Variants in LARP4B observed in about 807,000 individuals in gnomAD.
The protein encoded by LARP4B is la-related protein 4B.
Under a neutral mutation model 89.8 loss-of-function variants are expected in LARP4B, and 12 were observed. The ratio of observed to expected loss-of-function variants is 0.13; its 90% confidence interval spans 0.09 to 0.22. The LOEUF (loss-of-function observed/expected upper bound fraction) is 0.22, where lower values mean the gene tolerates loss of function less well. Among genes scored for constraint, LARP4B ranks in the 10% least tolerant of loss-of-function variants. LARP4B has a pLI of 1.00. For synonymous variants in LARP4B, 367 were observed against 363.3 expected (o/e 1.01, Z -0.12); for missense variants, 757 against 947.7 (o/e 0.80, Z 2.64).
chr10:879,136 G>A (rs979523725), intron 3 of LARP4B, among the ~76,000 whole-genome samples: 2 of 152,222 alleles, frequency 1.3e-5, no homozygotes, highest in Non-Finnish European at 2.9e-5. Context: ...GAGCTGAAAA[G>A]ATCACGGGTA....
chr10:816,129 C>G (rs890982025), intron 15 of LARP4B, among the ~76,000 whole-genome samples: 1 of 152,086 alleles, frequency 6.6e-6, no homozygotes, highest in East Asian at 1.9e-4. Flanking sequence ...CTCGGTAGGC[C>G]GAGGCAGGAG....
chr10:835,160 T>C (rs1017636676), intron 8 of LARP4B, among the ~76,000 whole-genome samples: 1 of 152,020 alleles, frequency 6.6e-6, no homozygotes, highest in Non-Finnish European at 1.5e-5. Context: ...AATATAGAAC[T>C]AGTAAAGACA....
the LARP4B span, among the ~76,000 whole-genome samples, chr10:956,286 G>A: frequency 6.6e-6 from 1 of 152,176 alleles, no homozygotes; most frequent in East Asian, 1.9e-4. The surrounding 1 kb of genome is among the most constrained non-coding windows in gnomAD (Gnocchi z 4.3). Flanking sequence ...CTGACTATGG[G>A]CCCAGGAGTA....
intron 1 of LARP4B, among the ~76,000 whole-genome samples, chr10:888,068 C>A (rs1835914597): frequency 6.6e-6 from 1 of 151,892 alleles, no homozygotes; most frequent in Non-Finnish European, 1.5e-5. Flanking sequence ...GCCTGTAATA[C>A]CAGCACTTTG....
intron 7 of LARP4B, among the ~76,000 whole-genome samples, chr10:838,197 C>T (rs1833330780): frequency 6.6e-6 from 1 of 152,050 alleles, no homozygotes; most frequent in Admixed American, 6.6e-5. Context: ...TCCTAGAAAA[C>T]ATAGGAGAAA....
chr10:814,794 G>A lies in LARP4B; in HGVS notation c.1877C>T (p.Ser626Phe), dbSNP rs528200143. 70 of 1,605,308 alleles carry A rather than the reference G, an allele frequency of 4.4e-5. 3 individuals are homozygous for A. The South Asian group carries it at 7.4e-4, about 17-fold the overall frequency. ...RETHSVDRLP[S>F]ALTATACKSV... ...TTTACACGCGGTCGCAGTGAGGGCG[G>A]AAGGAAGTCTGTCCACACTGTGGGT... The change falls in exon 17 of 18, where the codon TCC (serine) becomes TTC (phenylalanine). Residue 626 changes from serine (S) to phenylalanine (F), a missense_variant. This residue lies in a region of LARP4B where 387 missense variants were observed against 423.6 expected (regional missense o/e 0.91). Coordinates refer to ENST00000316157, the MANE Select transcript of LARP4B (RefSeq NM_015155.3). The surrounding 1 kb of genome is among the most constrained non-coding windows in gnomAD (Gnocchi z 4.4).
rs1243594065 is a variant in LARP4B at position 810,982 on chromosome 10, T to C, written c.*1944A>G. ...ATGCTTAGCTGCAGGTGATTTAAAT[T>C]AGATTACTAGTCACCTTCACTTACG... On this transcript the variant is annotated 3_prime_UTR_variant, in exon 18 of 18. Transcript: ENST00000316157. 2.6e-5 allele frequency: 4 copies of C among 152,240 alleles called. No individual in the cohort carries two copies. The allele number at this position is 152,240 out of a possible 1,614,324, so 9.4% of individuals were successfully genotyped here.
intron 1 of LARP4B, among the ~76,000 whole-genome samples, chr10:929,487 TC>T (rs1273731070): frequency 6.6e-6 from 1 of 152,030 alleles, no homozygotes; most frequent in African/African-American, 2.4e-5. Context: ...TCCCAGCTAC[TC>T]GGGGGGCTGA....
At chr10:982,026 G>C in the LARP4B span, among the ~76,000 whole-genome samples, 1 of 151,526 alleles carries the variant, frequency 6.6e-6, no homozygotes, top group African/African-American at 2.4e-5. Context: ...GCATATATGT[G>C]CTAATCAAAG....
chr10:922,072 G>A (rs551818008), intron 1 of LARP4B, among the ~76,000 whole-genome samples: 6 of 152,258 alleles, frequency 3.9e-5, no homozygotes, highest in East Asian at 1.9e-4. Flanking sequence ...CAGACAGAGC[G>A]GAGGGGTCAG....
At chr10:902,834 A>AGGGTTTCACCATATTGGCCAGGC (rs1836381446) in intron 1 of LARP4B, among the ~76,000 whole-genome samples, 1 of 152,008 alleles carries the variant, frequency 6.6e-6, no homozygotes, top group South Asian at 2.1e-4. Context: ...TAGTAGAGAC[A>AGGGTTTCACCATATTGGCCAGGC]GGGTTTCACC....
chr10:932,690 C>T (rs1399584254), upstream of LARP4B, among the ~76,000 whole-genome samples: 1 of 135,520 alleles, frequency 7.4e-6, no homozygotes, highest in Non-Finnish European at 1.6e-5. Context: ...CTGCCCCGAA[C>T]GCCCCACCAG....
rs1185284720 is a variant in LARP4B at position 931,446 on chromosome 10, C to CG, written c.-59dup. On this transcript the variant is annotated 5_prime_UTR_variant, in exon 1 of 18. Transcript: ENST00000316157. ...GCCTCACCTGTCAGCGCCGCCGCCC[C>CG]GCCCGACCGGCCGCCCGCGGGCTCC... 1 of 147,946 alleles carries CG rather than the reference C, an allele frequency of 6.8e-6. No individual in the cohort carries two copies. The highest frequency in any genetic ancestry group is 1.5e-5 in the Non-Finnish European group (1 of 66,282). The allele number at this position is 147,946 out of a possible 1,614,324, so 9.2% of individuals were successfully genotyped here. A position where few individuals can be genotyped will look rare whatever the true frequency, so the allele number is the denominator to read the frequency against.
chr10:929,721 T>C (rs1466619247), intron 1 of LARP4B, among the ~76,000 whole-genome samples: 1 of 152,066 alleles, frequency 6.6e-6, no homozygotes, highest in Non-Finnish European at 1.5e-5. Context: ...ATTGAGAAAA[T>C]GTAGGCAACA....
At chr10:921,617 T>C (rs1836982838) in intron 1 of LARP4B, among the ~76,000 whole-genome samples, 1 of 152,092 alleles carries the variant, frequency 6.6e-6, no homozygotes, top group African/African-American at 2.4e-5. Context: ...ATAATAAAAC[T>C]TGTGGTCACT....
upstream of LARP4B, among the ~76,000 whole-genome samples, chr10:933,857 G>A (rs772364841): frequency 8.7e-5 from 13 of 149,668 alleles, no homozygotes; most frequent in Admixed American, 6.6e-5. Flanking sequence ...TTTTGAGACT[G>A]ACTCTCCCTC....
chr10:845,238 T>C (rs950528265), intron 5 of LARP4B, among the ~76,000 whole-genome samples, 183 bp from the exon 6 acceptor site: 5 of 152,208 alleles, frequency 3.3e-5, no homozygotes, highest in Admixed American at 6.5e-5. Context: ...CCTATCCCTT[T>C]ATCCCCCAAA....
intron 3 of LARP4B, among the ~76,000 whole-genome samples, chr10:868,698 G>A (rs1482010099): frequency 6.6e-6 from 1 of 152,210 alleles, no homozygotes; most frequent in Non-Finnish European, 1.5e-5. Context: ...CAAAACTAAT[G>A]AATTTGAACA....
intron 1 of LARP4B, among the ~76,000 whole-genome samples, chr10:925,626 C>T (rs1014501123): frequency 2.0e-5 from 3 of 152,012 alleles, no homozygotes; most frequent in African/African-American, 4.8e-5. Context: ...CTCTGCCTCC[C>T]GGGTTTAAGC....
Sources: allele counts gnomAD v4.1 joint callset (sites outside exome capture counted in the v4.1 genomes callset), GRCh38; gene constraint gnomAD v4.1.1; regional missense constraint gnomAD v4.1.1; non-coding constraint Gnocchi (gnomAD v3.1); transcripts MANE v1.5; gene names NCBI Gene and HGNC (gene_info 2026-07-23, HGNC 2026-07-21).